The following CFAP58 variants were observed in gnomAD, a reference collection of about 807,000 sequenced individuals.
CFAP58 encodes the protein cilia- and flagella-associated protein 58.
A neutral mutation model predicts 119.5 loss-of-function variants in CFAP58; 88 were observed. The ratio of observed to expected loss-of-function variants is 0.74; its 90% CI spans 0.62 to 0.88. The LOEUF is 0.88. Among genes scored for constraint, CFAP58 ranks in the 40% least tolerant of loss-of-function variants. The probability of loss-of-function intolerance (pLI) is 0.00; values close to 1 mark genes in which losing one functional copy is unlikely to be tolerated. For synonymous variants in CFAP58, 365 were observed against 366.3 expected (o/e 1.00, Z 0.04); for missense variants, 990 against 1,021.2 (o/e 0.97, Z 0.42).
intron 2 of CFAP58, among the ~76,000 whole-genome samples, chr10:104,361,690 T>G (rs1416301499): frequency 6.6e-6 from 1 of 152,224 alleles, no homozygotes; most frequent in Non-Finnish European, 1.5e-5. Flanking sequence ...TTTATTTTTA[T>G]TTTTTACTTT....
chr10:104,357,788 T>C (rs1172054540), intron 1 of CFAP58, among the ~76,000 whole-genome samples: 1 of 147,242 alleles, frequency 6.8e-6, no homozygotes, highest in Admixed American at 6.6e-5. Context: ...TGTGTGTTTA[T>C]ATACATATAT....
chr10:104,375,168 ATATAGTGTG>A (rs2014875448), intron 7 of CFAP58, among the ~76,000 whole-genome samples: 1 of 151,068 alleles, frequency 6.6e-6, no homozygotes, highest in Non-Finnish European at 1.5e-5. Flanking sequence ...TCTATACAGA[ATATAGTGTG>A]TACTATATAC....
At chr10:104,435,141 A>C (rs2012911684) in intron 15 of CFAP58, among the ~76,000 whole-genome samples, 1 of 152,154 alleles carries the variant, frequency 6.6e-6, no homozygotes, top group Non-Finnish European at 1.5e-5. Context: ...TGTTTTGTGG[A>C]TAGATGGTTG....
At chr10:104,391,161 C>T (rs2012031576) in intron 9 of CFAP58, among the ~76,000 whole-genome samples, 1 of 152,170 alleles carries the variant, frequency 6.6e-6, no homozygotes, top group Non-Finnish European at 1.5e-5. Flanking sequence ...ACAAGTAGCC[C>T]ACACCTGAGT....
intron 9 of CFAP58, among the ~76,000 whole-genome samples, chr10:104,383,193 G>A (rs766973504): frequency 6.6e-6 from 1 of 152,134 alleles, no homozygotes; most frequent in Non-Finnish European, 1.5e-5. Flanking sequence ...CTCAGGTCAA[G>A]CTCCCTCTGG....
chr10:104,453,593 T>C (rs2013227730), intron 17 of CFAP58, among the ~76,000 whole-genome samples: 1 of 152,192 alleles, frequency 6.6e-6, no homozygotes, highest in African/African-American at 2.4e-5. Flanking sequence ...AGACAGTTTG[T>C]TCCCCTAGGG....
rs544934450 is a variant in CFAP58, at chr10:104,377,513, C to T, written c.1173+620C>T. On this transcript the variant is annotated intron_variant, in intron 8 of 17. Transcript: ENST00000369704. ...CTATCCCACTTCCTGAAGAGTTTTT[C>T]CATTGAAAGTCACTTTTAGTTACAG... Among the ~76,000 whole-genome samples, 271 of 152,224 alleles carry T rather than the reference C, an allele frequency of 1.8e-3. 4 individuals are homozygous for T. The highest frequency in any genetic ancestry group is 3.1e-3 in the East Asian group (16 of 5,176).
chr10:104,431,571 AT>A (rs1184430004), intron 15 of CFAP58, among the ~76,000 whole-genome samples: 1 of 152,176 alleles, frequency 6.6e-6, no homozygotes, highest in Admixed American at 6.5e-5. Context: ...ACCAGTCTCT[AT>A]TCACCCAAAA....
intron 6 of CFAP58, among the ~76,000 whole-genome samples, chr10:104,369,448 T>C (rs1282883404): frequency 6.6e-6 from 1 of 152,154 alleles, no homozygotes; most frequent in Non-Finnish European, 1.5e-5. Flanking sequence ...ATCTTAGAAA[T>C]GGAGAGGCCT....
Position 104,376,873 on chromosome 10 carries a change from G to A in CFAP58, c.1153G>A (p.Glu385Lys). ...AAAGGCAATGGACGAGCTTCTAAGA[G>A]AAAGGGACATACTAAATAAGGTGAG... ...DRKAMDELLR[E>K]RDILNKNMLK... Residue 385 changes from glutamate to lysine, a missense_variant, in exon 8 of 18, where the codon GAA becomes AAA. Glu to Lys is a moderately conservative substitution (Grantham distance 56, BLOSUM62 1). Coordinates refer to ENST00000369704, the MANE Select transcript of CFAP58 (RefSeq NM_001008723.2). The A allele has an allele frequency of 2.5e-6, 4 of 1,613,250 alleles. No individual in the cohort carries two copies. Among genetic ancestry groups the A allele is most frequent in the Non-Finnish European group, 3.4e-6 (4 of 1,179,430 alleles).
intron 5 of CFAP58, 22 bp downstream of exon 5, chr10:104,366,030 G>C: frequency 6.5e-7 from 1 of 1,533,128 alleles, no homozygotes; most frequent in East Asian, 2.3e-5. Flanking sequence ...GTGGGTCTTC[G>C]CAAAAAACCA....
chr10:104,405,209 G>A (rs1448804943), intron 14 of CFAP58, among the ~76,000 whole-genome samples: 7 of 152,204 alleles, frequency 4.6e-5, no homozygotes, highest in Non-Finnish European at 8.8e-5. Flanking sequence ...ATATCAGTTG[G>A]CACTGCTTAG....
intron 15 of CFAP58, among the ~76,000 whole-genome samples, chr10:104,410,925 C>G (rs1177657785): frequency 2.0e-5 from 3 of 151,680 alleles, no homozygotes; most frequent in Non-Finnish European, 4.4e-5. Flanking sequence ...AGCTTTATCT[C>G]TATTTATTTA....
Position 104,358,326 on chromosome 10 carries a change from G to A in CFAP58, c.10-15G>A, listed in dbSNP as rs2014621742. The A allele has an allele frequency of 6.2e-7, 1 of 1,602,160 alleles. No homozygotes were observed. Among genetic ancestry groups the A allele is most frequent in the African/African-American group, 1.3e-5 (1 of 74,314 alleles). ...TGTTGCATTGCCCTTTCCCATCCCT[G>A]CTTTTTTTCTATAGGAAAAGGGTGG... is the stretch of plus-strand genomic sequence containing the variant. On this transcript the variant is annotated splice_polypyrimidine_tract_variant and intron_variant, in intron 1 of 17. Coordinates refer to ENST00000369704, the MANE Select transcript of CFAP58 (RefSeq NM_001008723.2).
intron 13 of CFAP58, among the ~76,000 whole-genome samples, 163 bp downstream of exon 13, chr10:104,401,066 A>G (rs545987958): frequency 2.6e-5 from 4 of 152,220 alleles, no homozygotes; most frequent in Admixed American, 6.5e-5. Flanking sequence ...CAGCTTTTCC[A>G]TAACATCTCC....
At chr10:104,416,108 C>G (rs568445487) in intron 15 of CFAP58, among the ~76,000 whole-genome samples, 1 of 152,156 alleles carries the variant, frequency 6.6e-6, no homozygotes, top group Non-Finnish European at 1.5e-5. Context: ...CTGGATCATC[C>G]TGCCCAGAAA....
chr10:104,392,639 C>CTT (rs35863751), intron 10 of CFAP58, among the ~76,000 whole-genome samples: 2,694 of 123,894 alleles, frequency 0.022, 80 homozygotes, highest in African/African-American at 0.061. Context: ...CGTCTTTCTA[C>CTT]TTTTTTTTTT....
intron 15 of CFAP58, among the ~76,000 whole-genome samples, chr10:104,409,306 A>G (rs1228341165): frequency 4.6e-5 from 7 of 152,184 alleles, no homozygotes; most frequent in Non-Finnish European, 8.8e-5. Flanking sequence ...CCAAATATAT[A>G]TGTATTTAAG....
At chr10:104,386,132 C>T (rs1473328937) in intron 9 of CFAP58, among the ~76,000 whole-genome samples, 3 of 150,040 alleles carry the variant, frequency 2.0e-5, no homozygotes, top group Admixed American at 6.6e-5. Context: ...AATCCCAGCA[C>T]TTTGGGAGGC....
Sources: gnomAD v4.1 joint callset for allele counts (sites outside exome capture counted in the v4.1 genomes callset) on GRCh38, gnomAD v4.1.1 for gene constraint, MANE v1.5 for transcripts, NCBI Gene and HGNC (gene_info 2026-07-23, HGNC 2026-07-21) for gene names.